Variants in GPRC5B observed in about 807,000 individuals in gnomAD.
GPRC5B encodes the protein G protein-coupled receptor family C group 5 member B.
GPRC5B carries 16 observed loss-of-function variants against 30.1 expected under a neutral mutation model. That is an observed-to-expected ratio of 0.53 (90% CI 0.36 to 0.81). The LOEUF (loss-of-function observed/expected upper bound fraction) is 0.81. Among genes scored for constraint, GPRC5B ranks in the 30% least tolerant of loss-of-function variants. The pLI, the probability that GPRC5B is intolerant of heterozygous loss-of-function variation, is 0.01. For synonymous variants in GPRC5B, 241 were observed against 239.5 expected (o/e 1.01, Z -0.06); for missense variants, 428 against 544.7 (o/e 0.79, Z 2.13).
intron 2 of GPRC5B, among the ~76,000 whole-genome samples, chr16:19,869,071 G>T (rs1274372172): frequency 6.6e-6 from 1 of 152,188 alleles, no homozygotes; most frequent in Non-Finnish European, 1.5e-5. Context: ...GCTCATGTCT[G>T]TAATCCCAGC....
intron 2 of GPRC5B, among the ~76,000 whole-genome samples, chr16:19,870,745 G>A (rs567948721): frequency 6.6e-6 from 1 of 152,186 alleles, no homozygotes; most frequent in Non-Finnish European, 1.5e-5. Context: ...TGGGTCAGGT[G>A]CAATAGAGAG....
At chr16:19,883,638 G>C (rs929330611) in intron 1 of GPRC5B, among the ~76,000 whole-genome samples, 8 of 152,258 alleles carry the variant, frequency 5.3e-5, no homozygotes, top group African/African-American at 1.9e-4. Context: ...GCCTGGTGCA[G>C]TTGGGCGGCC....
chr16:19,863,334 A>T (rs560056168), intron 2 of GPRC5B, among the ~76,000 whole-genome samples: 74 of 149,358 alleles, frequency 5.0e-4, no homozygotes, highest in Admixed American at 5.3e-4. Context: ...ATTTTTTAAT[A>T]TTTTTTTTTA....
Position 19,872,886 on chromosome 16 carries a change from G to A in GPRC5B, c.-1-40C>T. On this transcript the variant is annotated intron_variant, in intron 1 of 3. Transcript: ENST00000300571. This position sits in a 1 kb window ranked among gnomAD's most constrained non-coding sequence, Gnocchi z 5.0. The stretch of plus-strand genomic sequence containing the variant: ...AGGGGAATGGTTGGGGGGAAGGAAA[G>A]ATGAATTCATTGGAAGACTCCCCCT... 1 of 1,474,970 alleles carries A rather than the reference G, an allele frequency of 6.8e-7. No individual in the cohort carries two copies. The highest frequency in any genetic ancestry group is 9.4e-7 in the Non-Finnish European group (1 of 1,066,264). The allele number at this position is 1,474,970 out of a possible 1,614,324, so 91.4% of individuals were successfully genotyped here. A position where few individuals can be genotyped will look rare whatever the true frequency, so the allele number is the denominator to read the frequency against.
In GPRC5B at chr16:19,858,328, G is replaced by T. The variant is rs181815340; in HGVS notation, c.*2172C>A. ...ATAACATATCAGATTTAAAAGGGGG[G>T]AAAAAGGTCTCATTAAATGAGGCTT... On this transcript the variant is annotated 3_prime_UTR_variant, in exon 4 of 4. Transcript: ENST00000300571. 850 of 442,108 alleles carry T rather than the reference G, an allele frequency of 1.9e-3. 2 individuals carry two copies. The highest frequency in any genetic ancestry group is 2.8e-3 in the Non-Finnish European group (693 of 249,984). The allele number at this position is 442,108 out of a possible 1,614,324, so 27.4% of individuals were successfully genotyped here.
Position 19,860,355 on chromosome 16 carries a change from GAAATCCCCTTGGC to G in GPRC5B, c.*132_*144del. 2 of 622,356 alleles carry G rather than the reference GAAATCCCCTTGGC, an allele frequency of 3.2e-6. No homozygotes were observed. The highest frequency in any genetic ancestry group is 5.7e-6 in the Non-Finnish European group (2 of 347,892). 38.6% of individuals were successfully genotyped at this position (622,356 alleles called of 1,614,324 possible). On this transcript the variant is annotated 3_prime_UTR_variant, in exon 4 of 4. Transcript: ENST00000300571. ...AGTTCGTCAGTGTTCACATTTACAC[GAAATCCCCTTGGC>G]TAGGATTTCCAAATTTCCTGGCTGT...
chr16:19,864,222 C>T (rs1347022609), intron 2 of GPRC5B, among the ~76,000 whole-genome samples: 1 of 152,184 alleles, frequency 6.6e-6, no homozygotes, highest in Non-Finnish European at 1.5e-5. Flanking sequence ...GCTGGCCTTG[C>T]CCCCAAAGCC....
At chr16:19,875,941 C>G (rs1447203350) in intron 1 of GPRC5B, among the ~76,000 whole-genome samples, 1 of 152,182 alleles carries the variant, frequency 6.6e-6, no homozygotes, top group Non-Finnish European at 1.5e-5. Flanking sequence ...AATTTAAGAA[C>G]TGGAGGTGTC....
At position 19,858,856 on chromosome 16, in the gene GPRC5B, CTA is replaced by C. The variant is rs2056596419; in HGVS notation, c.*1642_*1643del. ...ATGCGTGGTAACACAAGGAAATGTA[CTA>C]ACTGTTAAGGAAAACTCGAAGGCGG... On this transcript the variant is annotated 3_prime_UTR_variant, in exon 4 of 4. Transcript: ENST00000300571. 2.5e-5 allele frequency: 7 copies of C among 285,186 alleles called. No homozygotes were observed. The highest frequency in any genetic ancestry group is 4.5e-5 in the Non-Finnish European group (7 of 155,102). The allele number at this position is 285,186 out of a possible 1,614,324, so 17.7% of individuals were successfully genotyped here.
intron 1 of GPRC5B, among the ~76,000 whole-genome samples, chr16:19,879,010 C>T (rs76018760): frequency 0.065 from 9,839 of 152,114 alleles, 551 homozygotes; most frequent in East Asian, 0.29. Context: ...CAGCGAGAGC[C>T]GGAACTCAGA....
intron 1 of GPRC5B, chr16:19,882,274 T>C (rs1365188043): frequency 6.6e-6 from 1 of 152,222 alleles, no homozygotes; most frequent in Non-Finnish European, 1.5e-5. Flanking sequence ...AGCTCTGTGA[T>C]CCATGAATAT....
upstream of GPRC5B, chr16:19,885,537 C>G (rs960895830): frequency 1.4e-5 from 16 of 1,106,446 alleles, no homozygotes; most frequent in African/African-American, 2.5e-4. The surrounding 1 kb of genome is among the most constrained non-coding windows in gnomAD (Gnocchi z 5.3). Context: ...CACGTCCAGT[C>G]GGTGCACCCC....
intron 1 of GPRC5B, among the ~76,000 whole-genome samples, chr16:19,877,412 A>G (rs2056766470): frequency 6.6e-6 from 1 of 152,158 alleles, no homozygotes; most frequent in Admixed American, 6.6e-5. Context: ...ACTTGTCTCA[A>G]GTGGGTCATT....
chr16:19,881,998 A>G (rs2056811159), intron 1 of GPRC5B: 1 of 152,216 alleles, frequency 6.6e-6, no homozygotes, highest in Non-Finnish European at 1.5e-5. Flanking sequence ...CCAGATCCCC[A>G]TGCACCCCAG....
In GPRC5B at chr16:19,871,297, A is replaced by AAG. The variant is rs1555458490; in HGVS notation, c.1030+518_1030+519insCT. 1.5e-4 allele frequency among the ~76,000 whole-genome samples: 23 copies of AAG among 150,510 alleles called. 1 individual carries two copies. The highest frequency in any genetic ancestry group is 5.8e-4 in the East Asian group (3 of 5,134). ...ACCCTGTCTCAAAAAAAAAAAAAAA[A>AAG]AAAGAAAGAAAGAAAAAAACAAAAA... On this transcript the variant is annotated intron_variant, in intron 2 of 3. Transcript: ENST00000300571.
At chr16:19,863,349 C>T (rs926005772) in intron 2 of GPRC5B, among the ~76,000 whole-genome samples, 7 of 151,408 alleles carry the variant, frequency 4.6e-5, no homozygotes, top group African/African-American at 9.7e-5. Context: ...TTTTTAGAGA[C>T]GGGGTCTCAC....
intron 2 of GPRC5B, among the ~76,000 whole-genome samples, chr16:19,871,606 G>A (rs1220875817): frequency 3.9e-5 from 6 of 152,198 alleles, no homozygotes; most frequent in African/African-American, 7.2e-5. Context: ...TGGGTGACAA[G>A]AGCGAAAATC....
chr16:19,866,332 T>C (rs190966180), intron 2 of GPRC5B, among the ~76,000 whole-genome samples: 1 of 152,212 alleles, frequency 6.6e-6, no homozygotes, highest in East Asian at 1.9e-4. Context: ...AAAGGGATTT[T>C]AAGAAATTTT....
At chr16:19,874,613 G>C (rs766728997) in intron 1 of GPRC5B, 2 of 152,240 alleles carry the variant, frequency 1.3e-5, no homozygotes, top group Non-Finnish European at 2.9e-5. Context: ...GTTGCAGGAT[G>C]CTTAGCAGCA....
Sources: allele counts gnomAD v4.1 joint callset (sites outside exome capture counted in the v4.1 genomes callset), GRCh38; gene constraint gnomAD v4.1.1; non-coding constraint Gnocchi (gnomAD v3.1); transcripts MANE v1.5; gene names NCBI Gene and HGNC (gene_info 2026-07-23, HGNC 2026-07-21).